OTUD7A: variants seen among roughly 807,000 people sequenced by gnomAD.
The protein encoded by OTUD7A is OTU deubiquitinase 7A.
Under a neutral mutation model 65.7 loss-of-function variants are expected in OTUD7A, and 12 were observed. That is an observed-to-expected ratio of 0.18 (90% CI 0.12 to 0.30). The LOEUF (loss-of-function observed/expected upper bound fraction) is 0.30, where lower values mean the gene tolerates loss of function less well. OTUD7A is among the 10% of genes least tolerant of loss of function. The pLI, the probability that OTUD7A is intolerant of heterozygous loss-of-function variation, is 1.00. For synonymous variants in OTUD7A, 641 were observed against 586.3 expected, an observed-to-expected ratio of 1.09 and a Z score of -1.35; for missense variants, 1,148 against 1,304.8, an observed-to-expected ratio of 0.88 and a Z score of 1.85.
chr15:31,544,514 C>T (rs1203334818), intron 5 of OTUD7A, among the ~76,000 whole-genome samples: 1 of 151,730 alleles, frequency 6.6e-6, no homozygotes, highest in East Asian at 1.9e-4. Flanking sequence ...AAAATAATGC[C>T]ATTTTCAGAC....
At chr15:31,653,306 C>A (rs1479689528) in intron 3 of OTUD7A, among the ~76,000 whole-genome samples, 2 of 151,766 alleles carry the variant, frequency 1.3e-5, no homozygotes, top group Admixed American at 1.3e-4. Context: ...TTCACAAAAT[C>A]CTGTTCTTAA....
chr15:31,794,734 T>A (rs1200377246), intron 1 of OTUD7A, among the ~76,000 whole-genome samples: 2 of 152,086 alleles, frequency 1.3e-5, no homozygotes, highest in African/African-American at 4.8e-5. Context: ...GTCTGGGGGA[T>A]GCTCCTTCCC....
chr15:31,646,892 T>C, intron 3 of OTUD7A, among the ~76,000 whole-genome samples: 1 of 152,180 alleles, frequency 6.6e-6, no homozygotes, highest in East Asian at 1.9e-4. Flanking sequence ...TTGATCAGCG[T>C]GACACAAGGA....
At chr15:31,721,866 G>T (rs1053670308) in intron 1 of OTUD7A, among the ~76,000 whole-genome samples, 10 of 152,196 alleles carry the variant, frequency 6.6e-5, no homozygotes, top group Admixed American at 2.6e-4. Context: ...CCTCCGCATC[G>T]GACCCAGGCT....
intron 1 of OTUD7A, among the ~76,000 whole-genome samples, chr15:31,832,572 G>A (rs552983712): frequency 5.8e-4 from 88 of 152,138 alleles, no homozygotes; most frequent in Middle Eastern, 6.8e-3. Flanking sequence ...CTTGTAAAAC[G>A]GAAACTCTGT....
intron 3 of OTUD7A, among the ~76,000 whole-genome samples, chr15:31,586,952 G>A (rs1889559454): frequency 6.6e-6 from 1 of 152,062 alleles, no homozygotes; most frequent in African/African-American, 2.4e-5. Flanking sequence ...TTGCCCGCCA[G>A]GGCTGCTCGC....
In OTUD7A at chr15:31,860,677, G is replaced by GTGTGTATATATATATATA. The variant is rs560896384; in HGVS notation, c.-100+9829_-100+9830insTATATATATATATACACA. 9.6e-3 allele frequency among the ~76,000 whole-genome samples: 701 copies of GTGTGTATATATATATATA among 73,278 alleles called. 30 individuals carry two copies. The highest frequency in any genetic ancestry group is 0.016 in the Admixed American group (85 of 5,354). The allele number at this position is 73,278 out of a possible 152,430, so 48.1% of individuals were successfully genotyped here. On this transcript the variant is annotated intron_variant, in intron 1 of 12. Transcript: ENST00000307050. ...TGTGTGTATATATAGATGTATGTGTGTATATATATATATATATATATATGT... is the reference window on the plus strand; with the variant it reads ...TGTGTGTATATATAGATGTATGTGTGTGTGTATATATATATATATATATATATATATATATATATATGT...
chr15:31,618,244 T>C (rs1890657532), intron 3 of OTUD7A, among the ~76,000 whole-genome samples: 2 of 152,224 alleles, frequency 1.3e-5, no homozygotes, highest in African/African-American at 4.8e-5. Context: ...AACATACATG[T>C]GCATGTGTCT....
chr15:31,618,013 G>A (rs1890648771), intron 3 of OTUD7A, among the ~76,000 whole-genome samples: 1 of 150,794 alleles, frequency 6.6e-6, no homozygotes, highest in Non-Finnish European at 1.5e-5. Flanking sequence ...CCACCTATGA[G>A]TGAGAACATG....
chr15:31,622,981 T>C (rs559341774), intron 3 of OTUD7A, among the ~76,000 whole-genome samples: 99 of 152,340 alleles, frequency 6.5e-4, no homozygotes, highest in African/African-American at 2.3e-3. Context: ...TTCCTTCTAA[T>C]AGTCAGGACC....
At chr15:31,744,256 A>C (rs1385633708) in intron 1 of OTUD7A, among the ~76,000 whole-genome samples, 1 of 152,184 alleles carries the variant, frequency 6.6e-6, no homozygotes, top group Non-Finnish European at 1.5e-5. Flanking sequence ...TCATTTCCCA[A>C]GTTTGGCATG....
intron 8 of OTUD7A, among the ~76,000 whole-genome samples, chr15:31,507,783 G>T (rs1186066936): frequency 2.0e-5 from 3 of 152,142 alleles, no homozygotes. Flanking sequence ...GCACTGATTG[G>T]TGTGTTTTAC....
At chr15:31,668,831 C>T (rs533554901) in intron 1 of OTUD7A, among the ~76,000 whole-genome samples, 5 of 152,314 alleles carry the variant, frequency 3.3e-5, no homozygotes, top group African/African-American at 1.2e-4. Flanking sequence ...ATTCTTTTGT[C>T]TCATGGCGTG....
chr15:31,484,576 T>C lies in OTUD7A; in HGVS notation c.1520A>G (p.Lys507Arg). The change falls in exon 13 of 13, where the codon AAG (lysine) becomes AGG (arginine). Residue 507 changes from lysine (K) to arginine (R), a missense_variant. Physicochemically the swap from Lys to Arg is conservative, Grantham distance 26 (BLOSUM62 2). Around this residue, in one of 6 missense-constraint regions of OTUD7A, gnomAD observed 842 missense variants for 769.5 expected, o/e 1.09. Transcript: ENST00000307050. This position sits in a 1 kb window ranked among gnomAD's most constrained non-coding sequence, Gnocchi z 4.5. ...CGTCTTGTCCTTCTCCTTGCGCTGC[T>C]TCTCCTTCTCCTTGTCCTTGCCGTT... ...GKNGKDKEKE[K>R]QRKEKDKTRA... 1 of 1,610,758 alleles carries C rather than the reference T, an allele frequency of 6.2e-7. No individual in the cohort carries two copies. Among genetic ancestry groups the C allele is most frequent in the Middle Eastern group, 1.6e-4 (1 of 6,062 alleles).
At chr15:31,798,124 T>TACCTCTTTA (rs1896020998) in intron 1 of OTUD7A, among the ~76,000 whole-genome samples, 1 of 152,178 alleles carries the variant, frequency 6.6e-6, no homozygotes, top group Non-Finnish European at 1.5e-5. Flanking sequence ...TAAACATGAT[T>TACCTCTTTA]ACCTCTTTAA....
chr15:31,686,845 C>A (rs1476644158), intron 1 of OTUD7A, among the ~76,000 whole-genome samples: 1 of 152,112 alleles, frequency 6.6e-6, no homozygotes, highest in Admixed American at 6.5e-5. Context: ...TCTGTGAGCA[C>A]CAGCTCTCAT....
chr15:31,555,704 C>T (rs944957766), intron 5 of OTUD7A, among the ~76,000 whole-genome samples: 2 of 152,106 alleles, frequency 1.3e-5, no homozygotes, highest in Non-Finnish European at 2.9e-5. Context: ...TAGTCTAAGA[C>T]CTCGCTTGAG....
At chr15:31,847,064 G>T (rs1897309124) in intron 1 of OTUD7A, among the ~76,000 whole-genome samples, 1 of 152,204 alleles carries the variant, frequency 6.6e-6, no homozygotes, top group South Asian at 2.1e-4. Flanking sequence ...AGAGGGCAGG[G>T]CACCCCGCAG....
chr15:31,643,928 A>G (rs1891590489), intron 3 of OTUD7A, among the ~76,000 whole-genome samples: 2 of 152,174 alleles, frequency 1.3e-5, no homozygotes, highest in South Asian at 4.1e-4. Flanking sequence ...AGCCTGGAAG[A>G]CCGGGCTGCA....
Sources: allele counts gnomAD v4.1 joint callset (sites outside exome capture counted in the v4.1 genomes callset), GRCh38; gene constraint gnomAD v4.1.1; regional missense constraint gnomAD v4.1.1; non-coding constraint Gnocchi (gnomAD v3.1); transcripts MANE v1.5; gene names NCBI Gene and HGNC (gene_info 2026-07-23, HGNC 2026-07-21).